The following CASP4 variants were observed in gnomAD, a reference collection of about 807,000 sequenced individuals.
CASP4 encodes the protein caspase 4.
In CASP4, 29 loss-of-function variants were observed where a neutral mutation model predicts 41.3. The ratio of observed to expected loss-of-function variants is 0.70; its 90% CI spans 0.52 to 0.96. CASP4 has a LOEUF of 0.96. CASP4 is among the 40% of genes least tolerant of loss of function. The pLI is 0.00. For synonymous variants in CASP4, 185 were observed against 158.4 expected (o/e 1.17, Z -1.26); for missense variants, 447 against 460.6 (o/e 0.97, Z 0.27).
chr11:104,955,109 C>CTTCA, intron 1 of CASP4, 108 bp from the exon 2 acceptor site: 1 of 1,076,522 alleles, frequency 9.3e-7, no homozygotes, highest in Non-Finnish European at 1.3e-6. Context: ...GTATGTCCTA[C>CTTCA]TTCACCATCT....
chr11:104,963,012 G>A (rs473086), intron 1 of CASP4, among the ~76,000 whole-genome samples: 62,262 of 152,016 alleles, frequency 0.41, 13,735 homozygotes, highest in East Asian at 0.77. Flanking sequence ...CACCTTTGAA[G>A]CACCTGGGAA....
intron 4 of CASP4, among the ~76,000 whole-genome samples, chr11:104,950,256 A>C (rs1860574728): frequency 6.6e-6 from 1 of 152,112 alleles, no homozygotes; most frequent in African/African-American, 2.4e-5. Flanking sequence ...TTTTCAGCTC[A>C]GCTCTTTCAC....
At chr11:104,963,953 T>C (rs780577123) in intron 1 of CASP4, among the ~76,000 whole-genome samples, 4 of 152,206 alleles carry the variant, frequency 2.6e-5, no homozygotes, top group Non-Finnish European at 5.9e-5. Context: ...CTGAAGCCAG[T>C]AGTCCAGTTA....
At chr11:104,948,726 C>A in intron 5 of CASP4, 50 bp from the exon 6 acceptor site, 1 of 1,505,964 alleles carries the variant, frequency 6.6e-7, no homozygotes, top group Admixed American at 2.0e-5. Context: ...CACAGAATGG[C>A]TGTCACAGTT....
At chr11:104,944,883 C>G in intron 7 of CASP4, 32 bp from the exon 8 acceptor site, 1 of 1,364,216 alleles carries the variant, frequency 7.3e-7, no homozygotes, top group Non-Finnish European at 1.0e-6. Flanking sequence ...AGATGAGATA[C>G]GACTCTTTTC....
intron 1 of CASP4, among the ~76,000 whole-genome samples, chr11:104,964,682 G>C (rs1299465930): frequency 1.3e-5 from 2 of 152,168 alleles, no homozygotes; most frequent in African/African-American, 4.8e-5. Flanking sequence ...TGTCTACACA[G>C]AGTCCTTGTA....
intron 1 of CASP4, among the ~76,000 whole-genome samples, chr11:104,967,725 A>T (rs890464290): frequency 6.6e-6 from 1 of 152,182 alleles, no homozygotes; most frequent in Non-Finnish European, 1.5e-5. Context: ...GACTTTTTTT[A>T]TATGACTACA....
At position 104,944,796 on chromosome 11, in the gene CASP4, C is replaced by A; in HGVS notation, c.1091G>T (p.Arg364Leu). 6.2e-7 allele frequency: 1 copy of A among 1,613,572 alleles called. No homozygotes were observed. Among genetic ancestry groups the A allele is most frequent in the South Asian group, 1.1e-5 (1 of 91,072 alleles). Residue 364 changes from arginine (R) to leucine (L), a missense_variant, in exon 8 of 9, where the codon CGA becomes CTA. Physicochemically the swap from Arg to Leu is moderately radical, Grantham distance 102. Transcript: ENST00000444739. ...RAKAQMPTIE[R>L]LSMTRYFYLF... ...GTAGAAATATCTTGTCATGGACAGT[C>A]GTTCTATGGTGGGCATTTGAGCTTT...
chr11:104,955,986 T>A (rs995284700), intron 1 of CASP4, among the ~76,000 whole-genome samples: 1 of 152,134 alleles, frequency 6.6e-6, no homozygotes, highest in Admixed American at 6.5e-5. Context: ...TATCTTGAAT[T>A]AATATTTTCA....
chr11:104,945,217 A>G lies in CASP4; in HGVS notation c.1036-366T>C, dbSNP rs141755912. On this transcript the variant is annotated intron_variant, in intron 7 of 8. Coordinates refer to ENST00000444739, the MANE Select transcript of CASP4 (RefSeq NM_001225.4). ...AACACTCACCAAGGCTGATTCCTCA[A>G]TTGAAGGAGAATTTAATCCCAGTAT... 9.2e-5 allele frequency among the ~76,000 whole-genome samples: 14 copies of G among 151,846 alleles called. No homozygotes were observed. The East Asian group carries it at 1.6e-3, about 17-fold the overall frequency.
intron 1 of CASP4, among the ~76,000 whole-genome samples, chr11:104,958,670 C>T (rs777398263): frequency 5.3e-5 from 8 of 151,854 alleles, no homozygotes; most frequent in Admixed American, 6.6e-5. Flanking sequence ...GTTGGTAAAA[C>T]GTAAATTAGG....
chr11:104,967,054 A>G (rs1362700430), intron 1 of CASP4, among the ~76,000 whole-genome samples: 1 of 152,226 alleles, frequency 6.6e-6, no homozygotes, highest in East Asian at 1.9e-4. Flanking sequence ...AATGGCAGGA[A>G]TCAATTAGAG....
intron 1 of CASP4, among the ~76,000 whole-genome samples, chr11:104,959,393 A>G (rs563444061): frequency 2.6e-5 from 4 of 152,350 alleles, no homozygotes; most frequent in Non-Finnish European, 5.9e-5. Context: ...AAACAGGTTA[A>G]ACTCATAAAA....
At chr11:104,965,458 T>C (rs1273071495) in intron 1 of CASP4, among the ~76,000 whole-genome samples, 1 of 152,196 alleles carries the variant, frequency 6.6e-6, no homozygotes, top group Non-Finnish European at 1.5e-5. Flanking sequence ...CACCTTAAGA[T>C]TAAGCTATTA....
At chr11:104,947,305 T>A in intron 6 of CASP4, 113 bp from the exon 7 acceptor site, 1 of 582,478 alleles carries the variant, frequency 1.7e-6, no homozygotes, top group Non-Finnish European at 2.9e-6. Flanking sequence ...GAATTATCTT[T>A]ACAGATTTGT....
chr11:104,944,659 G>A (rs1860409165), intron 8 of CASP4, 89 bp downstream of exon 8: 1 of 816,454 alleles, frequency 1.2e-6, no homozygotes, highest in Middle Eastern at 2.5e-4. Flanking sequence ...GACCATCCAA[G>A]TACTCAGCTG....
chr11:104,960,209 T>G (rs1860826886), intron 1 of CASP4, among the ~76,000 whole-genome samples: 1 of 152,178 alleles, frequency 6.6e-6, no homozygotes, highest in Non-Finnish European at 1.5e-5. Context: ...AGTCTCAGAT[T>G]AGATGGCACC....
chr11:104,948,706 C>T, intron 5 of CASP4, 30 bp from the exon 6 acceptor site: 1 of 1,544,562 alleles, frequency 6.5e-7, no homozygotes, highest in Non-Finnish European at 8.8e-7. Context: ...CTGCACACTG[C>T]TGTGCCTCCC....
rs778682641 is a variant in CASP4 at position 104,950,914 on chromosome 11, G to A, written c.546+11C>T. 1.2e-6 allele frequency: 2 copies of A among 1,608,612 alleles called. No homozygotes were observed. Among genetic ancestry groups the A allele is most frequent in the Admixed American group, 1.7e-5 (1 of 59,512 alleles). ...ATATGTATGTGTTTGTGGCGGCTGA[G>A]GGATTCTTACCCTGGCTGTCAGATT... is the stretch of plus-strand genomic sequence containing the variant. On this transcript the variant is annotated intron_variant, in intron 4 of 8. Transcript: ENST00000444739.
Sources: gnomAD v4.1 joint callset for allele counts (sites outside exome capture counted in the v4.1 genomes callset) on GRCh38, gnomAD v4.1.1 for gene constraint, MANE v1.5 for transcripts, NCBI Gene and HGNC (gene_info 2026-07-23, HGNC 2026-07-21) for gene names.